GPSM1: variants seen among roughly 807,000 people sequenced by gnomAD.
GPSM1 encodes the protein G protein signaling modulator 1, also known as G protein-signaling modulator 1.
GPSM1 carries 48 observed loss-of-function variants against 70.5 expected under a neutral mutation model. The ratio of observed to expected loss-of-function variants is 0.68; its 90% CI spans 0.54 to 0.87. The LOEUF is 0.87. GPSM1 is among the 40% of genes least tolerant of loss of function. GPSM1 has a pLI of 0.00. For synonymous variants in GPSM1, 416 were observed against 430.1 expected (o/e 0.97, Z 0.41); for missense variants, 981 against 972.6 (o/e 1.01, Z -0.11).
intron 11 of GPSM1, among the ~76,000 whole-genome samples, chr9:136,352,901 G>A (rs1169639660): frequency 1.3e-5 from 2 of 151,914 alleles, no homozygotes; most frequent in African/African-American, 2.4e-5. Flanking sequence ...GTGCGCCTGT[G>A]TGTGAGTGCG....
At chr9:136,355,964 A>G in intron 12 of GPSM1, 118 bp downstream of exon 12, 1 of 839,252 alleles carries the variant, frequency 1.2e-6, no homozygotes, top group African/African-American at 1.7e-5. Context: ...CCAGCTGCAG[A>G]GCACCCTGTC....
At position 136,354,121 on chromosome 9, in the gene GPSM1, C is replaced by T. The variant is rs1015127885; in HGVS notation, c.1456-1569C>T. ...AGGGACAGGAGGTACCTCAGGCTTC[C>T]GTGACAGCTGGGGACTGACTCCAGG... is the stretch of plus-strand genomic sequence containing the variant. On this transcript the variant is annotated intron_variant, in intron 11 of 13. Coordinates refer to ENST00000440944, the MANE Select transcript of GPSM1 (RefSeq NM_001145638.3). Among the ~76,000 whole-genome samples the T allele has an allele frequency of 1.1e-4, 17 of 152,296 alleles. No homozygotes were observed. The South Asian group carries it at 1.7e-3, about 15-fold the overall frequency.
In GPSM1 at chr9:136,329,395, G is replaced by C. The variant is rs1407316641; in HGVS notation, c.68+1632G>C. On this transcript the variant is annotated intron_variant, in intron 1 of 13. Transcript: ENST00000440944. ...GAGCATGGATGCCTAGACGTGTTCTGGGCCAGTGGAAGCTGCGGGCCAGAC... is the reference window on the plus strand; with the variant it reads ...GAGCATGGATGCCTAGACGTGTTCTCGGCCAGTGGAAGCTGCGGGCCAGAC... 2.0e-5 allele frequency among the ~76,000 whole-genome samples: 3 copies of C among 152,238 alleles called. No individual in the cohort carries two copies. The East Asian group carries it at 5.8e-4, about 29-fold the overall frequency.
rs782244000 is a variant in GPSM1 at position 136,338,677 on chromosome 9, G to A, written c.941G>A (p.Arg314Gln). 5.0e-5 allele frequency: 79 copies of A among 1,569,624 alleles called. No homozygotes were observed. In the East Asian group the frequency reaches 9.1e-4, roughly 18 times the overall value. Residue 314 changes from arginine to glutamine, a missense_variant, in exon 7 of 14, where the codon CGG becomes CAG. By Grantham distance (43) the Arg-to-Gln change is conservative. Coordinates refer to ENST00000440944, the MANE Select transcript of GPSM1 (RefSeq NM_001145638.3). ...GAGCGCGCGGCCGAGTACCACCTGC[G>A]GCACCTGCTCATTGCCCAGGAGCTG... is the stretch of plus-strand genomic sequence containing the variant. ...DYERAAEYHLRHLLIAQELAD... is the reference protein window; with the variant it reads ...DYERAAEYHLQHLLIAQELAD...
At chr9:136,334,195 G>A (rs1554768821) in intron 1 of GPSM1, among the ~76,000 whole-genome samples, 1 of 152,228 alleles carries the variant, frequency 6.6e-6, no homozygotes, top group Non-Finnish European at 1.5e-5. Flanking sequence ...CTTTGCCCCA[G>A]TGGCGTTCCT....
chr9:136,359,028 T>TG lies in GPSM1; in HGVS notation c.*815dup, dbSNP rs549382218. 3.2e-4 allele frequency: 49 copies of TG among 152,396 alleles called. 1 individual carries two copies. Among genetic ancestry groups the TG allele is most frequent in the African/African-American group, 1.1e-3 (45 of 41,502 alleles). 9.4% of individuals were successfully genotyped at this position (152,396 alleles called of 1,614,324 possible). On this transcript the variant is annotated 3_prime_UTR_variant, in exon 14 of 14. Transcript: ENST00000440944. ...CCAGGCTCTGTGACCCTCACCCAAG[T>TG]GGGGGGGTGGTCAGTGGAAGCTGGG...
intron 1 of GPSM1, among the ~76,000 whole-genome samples, chr9:136,328,659 G>A (rs965688598): frequency 6.6e-6 from 1 of 152,226 alleles, no homozygotes; most frequent in Non-Finnish European, 1.5e-5. Context: ...TGGGGCACCC[G>A]AAATGAGGTA....
intron 1 of GPSM1, among the ~76,000 whole-genome samples, chr9:136,328,085 C>T (rs903851481): frequency 1.3e-5 from 2 of 152,152 alleles, no homozygotes; most frequent in African/African-American, 4.8e-5. Flanking sequence ...CTGGCCCTGC[C>T]ATGCCCGGGG....
rs1213959248 is a variant in GPSM1 at position 136,359,432 on chromosome 9, G to A, written c.*1212G>A. On this transcript the variant is annotated 3_prime_UTR_variant, in exon 14 of 14. Transcript: ENST00000440944. ...GGGGCAGGGCCGCACCCGAGAGCAG[G>A]GACAGGTGCCCGAACACAGGGTCTC... 1 of 152,288 alleles carries A rather than the reference G, an allele frequency of 6.6e-6. No individual in the cohort carries two copies. The highest frequency in any genetic ancestry group is 6.5e-5 in the Admixed American group (1 of 15,288). The allele number at this position is 152,288 out of a possible 1,614,324, so 9.4% of individuals were successfully genotyped here.
At chr9:136,356,286 A>G (rs1588710651) in intron 12 of GPSM1, 56 bp from the exon 13 acceptor site, 5 of 1,326,816 alleles carry the variant, frequency 3.8e-6, no homozygotes, top group Middle Eastern at 2.2e-4. Context: ...CCGCAGCCCG[A>G]GCCTCGGGCT....
chr9:136,348,620 C>T (rs1832582331), intron 9 of GPSM1, 77 bp from the exon 10 acceptor site: 1 of 1,138,348 alleles, frequency 8.8e-7, no homozygotes, highest in African/African-American at 1.5e-5. Context: ...TCCTTGGCCC[C>T]CCAGAGACTC....
rs1000961196 is a variant in GPSM1 at position 136,341,386 on chromosome 9, T to C, written c.1207+393T>C. 3.5e-4 allele frequency: 501 copies of C among 1,425,330 alleles called. 4 individuals carry two copies. In the East Asian group the frequency reaches 0.011, roughly 31 times the overall value. The allele number at this position is 1,425,330 out of a possible 1,614,324, so 88.3% of individuals were successfully genotyped here. ...GCCAGAGGGCTGGGCTGGGCTGGGC[T>C]GGGCTGGGCTGTGGGAGCCCTATGT... On this transcript the variant is annotated intron_variant, in intron 9 of 13. Coordinates refer to ENST00000440944, the MANE Select transcript of GPSM1 (RefSeq NM_001145638.3). This position sits in a 1 kb window ranked among gnomAD's most constrained non-coding sequence, Gnocchi z 6.7.
At chr9:136,344,574 A>G (rs1174937478) in intron 9 of GPSM1, among the ~76,000 whole-genome samples, 2 of 152,192 alleles carry the variant, frequency 1.3e-5, no homozygotes, top group South Asian at 2.1e-4. Flanking sequence ...CTCCATTCTC[A>G]TGACCTCATG....
At chr9:136,338,111 G>A in intron 6 of GPSM1, 150 bp downstream of exon 6, 1 of 620,394 alleles carries the variant, frequency 1.6e-6, no homozygotes, top group East Asian at 2.8e-5. Context: ...CCCGGGAAGG[G>A]CAGACGGACA....
Position 136,358,576 on chromosome 9 carries a change from A to T in GPSM1, c.*356A>T. ...AATGTGAAACCCTGCTGTCTCCCCCACCCTCCCCAAAGGTGTCTCTGAGCC... is the reference window on the plus strand; with the variant it reads ...AATGTGAAACCCTGCTGTCTCCCCCTCCCTCCCCAAAGGTGTCTCTGAGCC... On this transcript the variant is annotated 3_prime_UTR_variant, in exon 14 of 14. Transcript: ENST00000440944. The T allele has an allele frequency of 5.2e-6, 2 of 382,966 alleles. No individual in the cohort carries two copies. The highest frequency in any genetic ancestry group is 9.4e-6 in the Non-Finnish European group (2 of 212,586). 23.7% of individuals were successfully genotyped at this position (382,966 alleles called of 1,614,324 possible).
At chr9:136,337,643 G>A in intron 5 of GPSM1, 79 bp downstream of exon 5, 1 of 1,398,700 alleles carries the variant, frequency 7.1e-7, no homozygotes, top group Non-Finnish European at 9.9e-7. Flanking sequence ...GGCGGTCCCT[G>A]AAAGGGCAGG....
intron 9 of GPSM1, among the ~76,000 whole-genome samples, 156 bp from the exon 10 acceptor site, chr9:136,348,541 G>T (rs1418101276): frequency 6.6e-6 from 1 of 152,228 alleles, no homozygotes; most frequent in Non-Finnish European, 1.5e-5. Context: ...GGGAGACGCA[G>T]AGGACACTCA....
intron 11 of GPSM1, among the ~76,000 whole-genome samples, chr9:136,351,899 C>T (rs1832672081): frequency 6.6e-6 from 1 of 152,260 alleles, no homozygotes; most frequent in South Asian, 2.1e-4. Flanking sequence ...ACCCTGGTGG[C>T]AGCCTGTATG....
At chr9:136,338,736 A>C (rs1159286616) in intron 7 of GPSM1, 26 bp downstream of exon 7, 2 of 1,527,292 alleles carry the variant, frequency 1.3e-6, no homozygotes, top group Non-Finnish European at 8.8e-7. Flanking sequence ...CGCGGCGGGC[A>C]GACCCGGCCC....
Sources: gnomAD v4.1 joint callset for allele counts (sites outside exome capture counted in the v4.1 genomes callset) on GRCh38, gnomAD v4.1.1 for gene constraint, Gnocchi (gnomAD v3.1) non-coding constraint, MANE v1.5 for transcripts, NCBI Gene and HGNC (gene_info 2026-07-23, HGNC 2026-07-21) for gene names.